The following ROBO2 variants were observed in gnomAD, a reference collection of about 807,000 sequenced individuals.
ROBO2 encodes the protein roundabout homolog 2.
In ROBO2, 53 loss-of-function variants were observed where a neutral mutation model predicts 160.8. The observed-to-expected ratio is 0.33, with a 90% CI of 0.26 to 0.41. The LOEUF is 0.41. Among genes scored for constraint, ROBO2 ranks in the 10% least tolerant of loss-of-function variants. ROBO2 has a pLI of 1.00. For missense variants in ROBO2, 1,577 were observed against 1,722.4 expected, an observed-to-expected ratio of 0.92 and a Z score of 1.49; for synonymous variants, 664 against 611.7, an observed-to-expected ratio of 1.09 and a Z score of -1.26.
At chr3:76,638,279 A>G (rs1413389130) in intron 2 of ROBO2, among the ~76,000 whole-genome samples, 1 of 152,186 alleles carries the variant, frequency 6.6e-6, no homozygotes, top group African/African-American at 2.4e-5. Flanking sequence ...CCTTGATAAG[A>G]TGGTAATTTG....
chr3:76,272,959 T>TAAA (rs1341175067), intron 2 of ROBO2, among the ~76,000 whole-genome samples: 1 of 23,020 alleles, frequency 4.3e-5, no homozygotes, highest in Non-Finnish European at 1.6e-4. Flanking sequence ...ATATAATATA[T>TAAA]ATTTATATAT....
chr3:77,597,332 A>G lies in ROBO2; in HGVS notation c.2854+582A>G, dbSNP rs568106964. Among the ~76,000 whole-genome samples the G allele has an allele frequency of 4.0e-4, 59 of 146,728 alleles. 1 individual carries two copies. The highest frequency in any genetic ancestry group is 3.8e-3 in the South Asian group (17 of 4,524). ...ATAAATAAATAAATAAATAAAAAAG[A>G]CAAAAAAGTGCTAAGTAGCCACATG... On this transcript the variant is annotated intron_variant, in intron 19 of 25. Transcript: ENST00000461745.
chr3:77,379,335 G>A (rs1256297444), intron 2 of ROBO2, among the ~76,000 whole-genome samples: 3 of 151,994 alleles, frequency 2.0e-5, no homozygotes, highest in Non-Finnish European at 4.4e-5. Flanking sequence ...TATAAAATAT[G>A]GTGACTTAAT....
At chr3:76,291,988 C>T (rs1447437371) in intron 2 of ROBO2, among the ~76,000 whole-genome samples, 1 of 151,668 alleles carries the variant, frequency 6.6e-6, no homozygotes, top group Non-Finnish European at 1.5e-5. Flanking sequence ...TGTATATTCT[C>T]TTGTTGGGTG....
At chr3:76,092,817 T>A (rs910572628) in intron 2 of ROBO2, among the ~76,000 whole-genome samples, 2 of 152,200 alleles carry the variant, frequency 1.3e-5, no homozygotes, top group Non-Finnish European at 2.9e-5. Context: ...ATTTTGATAA[T>A]CAGTAGAAAA....
intron 2 of ROBO2, among the ~76,000 whole-genome samples, chr3:76,431,035 A>G (rs947796056): frequency 1.3e-5 from 2 of 152,132 alleles, no homozygotes; most frequent in African/African-American, 4.8e-5. Context: ...CAACTATGTT[A>G]TAAGGGGGTT....
At position 76,274,996 on chromosome 3, in the gene ROBO2, T is replaced by C. The variant is rs555097990; in HGVS notation, c.109+337394T>C. On this transcript the variant is annotated intron_variant, in intron 2 of 26. Coordinates refer to the ROBO2 transcript ENST00000487694. ...TAACTTGTAAAGAAATTCTAACATA[T>C]ACTCTTTTCTGAAATATACTATTTG... is the stretch of plus-strand genomic sequence containing the variant. Among the ~76,000 whole-genome samples the C allele has an allele frequency of 1.5e-4, 23 of 152,290 alleles. No homozygotes were observed. In the South Asian group the frequency reaches 4.3e-3, roughly 29 times the overall value.
At chr3:77,540,208 G>T (rs2092392984) in intron 6 of ROBO2, among the ~76,000 whole-genome samples, 1 of 152,040 alleles carries the variant, frequency 6.6e-6, no homozygotes, top group Admixed American at 6.5e-5. Context: ...AAAAGTAATG[G>T]GTTTTATGCT....
intron 2 of ROBO2, among the ~76,000 whole-genome samples, chr3:76,647,977 A>G (rs887662065): frequency 7.2e-5 from 11 of 152,224 alleles, no homozygotes; most frequent in Non-Finnish European, 1.0e-4. Context: ...AAGGCCAGCC[A>G]TAAAACATAC....
intron 2 of ROBO2, among the ~76,000 whole-genome samples, chr3:76,164,748 T>C (rs2072760929): frequency 6.6e-6 from 1 of 152,180 alleles, no homozygotes; most frequent in African/African-American, 2.4e-5. Context: ...GAAGAGAATA[T>C]TTGCATACTT....
At chr3:77,132,775 A>C (rs79489449) in intron 2 of ROBO2, among the ~76,000 whole-genome samples, 1 of 152,066 alleles carries the variant, frequency 6.6e-6, no homozygotes, top group African/African-American at 2.4e-5. Context: ...CACTGGAAAA[A>C]TGAAGATTAC....
chr3:76,757,416 C>T (rs563491217), intron 2 of ROBO2, among the ~76,000 whole-genome samples: 1 of 151,914 alleles, frequency 6.6e-6, no homozygotes, highest in Non-Finnish European at 1.5e-5. Flanking sequence ...TTGTGCTATG[C>T]CTCTTCCATG....
At chr3:76,585,629 A>G (rs544573889) in intron 2 of ROBO2, among the ~76,000 whole-genome samples, 133 of 152,316 alleles carry the variant, frequency 8.7e-4, no homozygotes, top group Non-Finnish European at 5.6e-4. Context: ...AAAAATTCTC[A>G]TACCTAACAA....
chr3:75,941,726 T>G (rs1948064173), intron 2 of ROBO2, among the ~76,000 whole-genome samples: 1 of 152,162 alleles, frequency 6.6e-6, no homozygotes, highest in Admixed American at 6.5e-5. Flanking sequence ...CAATTCCAAT[T>G]TTCAGTTTTA....
chr3:77,632,373 GGAAGAAGCATGGACAACT>G, intron 23 of ROBO2: 1 of 852,906 alleles, frequency 1.2e-6, no homozygotes, highest in Non-Finnish European at 1.7e-6. Flanking sequence ...GAAACTTCAA[GGAAGAAGCATGGACAACT>G]TACTTGCTCA....
chr3:77,614,562 C>T (rs566482121), intron 21 of ROBO2, among the ~76,000 whole-genome samples: 1 of 152,166 alleles, frequency 6.6e-6, no homozygotes, highest in Non-Finnish European at 1.5e-5. Flanking sequence ...TCTTGCAACT[C>T]ACTTAGGTAG....
intron 2 of ROBO2, among the ~76,000 whole-genome samples, chr3:77,247,729 C>T (rs1187315719): frequency 6.6e-6 from 1 of 152,124 alleles, no homozygotes; most frequent in Non-Finnish European, 1.5e-5. Context: ...TTCTTGCGGA[C>T]CATTTCCCTT....
chr3:76,445,568 C>G (rs2077138141), intron 2 of ROBO2, among the ~76,000 whole-genome samples: 1 of 152,070 alleles, frequency 6.6e-6, no homozygotes, highest in Non-Finnish European at 1.5e-5. Flanking sequence ...ATACCAAAGC[C>G]TGGCAGAGAC....
chr3:77,261,081 T>C (rs1341369925), intron 2 of ROBO2, among the ~76,000 whole-genome samples: 1 of 152,186 alleles, frequency 6.6e-6, no homozygotes, highest in Non-Finnish European at 1.5e-5. Flanking sequence ...GTCACGTATC[T>C]GAGGAGATAT....
Sources: allele counts gnomAD v4.1 joint callset (sites outside exome capture counted in the v4.1 genomes callset), GRCh38; gene constraint gnomAD v4.1.1; transcripts MANE v1.5; gene names NCBI Gene and HGNC (gene_info 2026-07-23, HGNC 2026-07-21).